The following AIMP1 variants were observed in gnomAD, a reference collection of about 807,000 sequenced individuals.
The protein encoded by AIMP1 is aminoacyl tRNA synthetase complex interacting multifunctional protein 1.
In AIMP1, 24 loss-of-function variants were observed where a neutral mutation model predicts 33.1. The ratio of observed to expected loss-of-function variants is 0.73; its 90% CI spans 0.53 to 1.02. The LOEUF (loss-of-function observed/expected upper bound fraction) is 1.02, where lower values mean the gene tolerates loss of function less well. Among genes scored for constraint, AIMP1 ranks in the 50% least tolerant of loss-of-function variants. The probability of loss-of-function intolerance (pLI) is 0.00; values close to 1 mark genes in which losing one functional copy is unlikely to be tolerated. For missense variants in AIMP1, 367 were observed against 364.8 expected, an observed-to-expected ratio of 1.01 and a Z score of -0.05; for synonymous variants, 120 against 121.5, an observed-to-expected ratio of 0.99 and a Z score of 0.08.
chr4:106,323,504 C>CA (rs1769345535), intron 1 of AIMP1, among the ~76,000 whole-genome samples: 1 of 150,756 alleles, frequency 6.6e-6, no homozygotes, highest in Admixed American at 6.6e-5. Flanking sequence ...CTATTTTTAC[C>CA]AAAATGAACA....
rs1768914475 is a variant in AIMP1, at chr4:106,316,597, G to C, written c.-26+3G>C. ...GAACCCGTGGTCCTCCGCTTCATGT[G>C]AGTGACGTCGTGGCGGGTCACTCAC... On this transcript the variant is annotated splice_donor_region_variant and intron_variant, in intron 1 of 6. Transcript: ENST00000672341. 1 of 1,551,348 alleles carries C rather than the reference G, an allele frequency of 6.4e-7. No individual in the cohort carries two copies. Among genetic ancestry groups the C allele is most frequent in the Non-Finnish European group, 8.7e-7 (1 of 1,146,864 alleles).
In AIMP1 at chr4:106,321,554, C is replaced by T. The variant is rs1328001623; in HGVS notation, c.-25-3431C>T. The stretch of plus-strand genomic sequence containing the variant: ...GTGAGGAGCGTTTCCGCTTTCCGCC[C>T]GGCAGCGGCCCCGTCCGGGAGGTGG... On this transcript the variant is annotated intron_variant, in intron 1 of 6. Transcript: ENST00000672341. The T allele has an allele frequency of 1.7e-4, 26 of 154,484 alleles. No homozygotes were observed. In the East Asian group the frequency reaches 1.9e-3, roughly 12 times the overall value. The allele number at this position is 154,484 out of a possible 1,614,324, so 9.6% of individuals were successfully genotyped here. A position where few individuals can be genotyped will look rare whatever the true frequency, so the allele number is the denominator to read the frequency against.
chr4:106,326,738 C>T (rs764486536), intron 2 of AIMP1, among the ~76,000 whole-genome samples: 4 of 151,340 alleles, frequency 2.6e-5, no homozygotes, highest in Non-Finnish European at 5.9e-5. Context: ...TAATGCTTCT[C>T]TTTTTTTTCA....
chr4:106,335,901 TTG>T (rs1373347598), intron 5 of AIMP1, among the ~76,000 whole-genome samples: 2 of 151,832 alleles, frequency 1.3e-5, no homozygotes, highest in Non-Finnish European at 2.9e-5. Flanking sequence ...CTTTTGCTAG[TTG>T]GAGAAAAAAA....
intron 4 of AIMP1, among the ~76,000 whole-genome samples, chr4:106,329,739 G>A (rs1769595811): frequency 6.8e-6 from 1 of 147,646 alleles, no homozygotes; most frequent in African/African-American, 2.5e-5. Flanking sequence ...AAGGGCTGTG[G>A]TGCCCATATG....
intron 1 of AIMP1, chr4:106,321,349 T>G (rs1769221812): frequency 6.3e-6 from 1 of 157,514 alleles, no homozygotes; most frequent in Non-Finnish European, 1.4e-5. Context: ...GGAGCATCTC[T>G]GCCCCGTCGC....
chr4:106,342,544 A>G (rs1363539273), intron 6 of AIMP1, among the ~76,000 whole-genome samples: 15 of 152,308 alleles, frequency 9.8e-5, no homozygotes, highest in African/African-American at 3.6e-4. Flanking sequence ...AGATGATTAT[A>G]TAATTTTTGG....
At chr4:106,316,293 C>T (rs1198596533), upstream of AIMP1, 3 of 435,830 alleles carry the variant, frequency 6.9e-6, no homozygotes, top group Non-Finnish European at 8.4e-6. Context: ...TTGTGGTGTC[C>T]TTCCCCTTGC....
chr4:106,326,232 T>C (rs538588551), intron 2 of AIMP1, among the ~76,000 whole-genome samples: 28 of 152,324 alleles, frequency 1.8e-4, no homozygotes, highest in African/African-American at 6.7e-4. Context: ...AAAAACACTT[T>C]GTGTTTATAT....
chr4:106,340,869 C>G (rs1770072862), intron 6 of AIMP1, among the ~76,000 whole-genome samples: 1 of 152,148 alleles, frequency 6.6e-6, no homozygotes, highest in African/African-American at 2.4e-5. Context: ...CTCCAAACTG[C>G]TTTTCACAGT....
Position 106,342,959 on chromosome 4 carries a change from C to T in AIMP1, c.773-4567C>T, listed in dbSNP as rs538201906. ...TGGTTCTGTAACCCAGGTTGGAGTG[C>T]AGTGGCGTTATCTTGGCCCACTGCA... On this transcript the variant is annotated intron_variant, in intron 6 of 6. Transcript: ENST00000672341. Among the ~76,000 whole-genome samples the T allele has an allele frequency of 4.1e-5, 6 of 146,336 alleles. No individual in the cohort carries two copies. The South Asian group carries it at 1.1e-3, about 26-fold the overall frequency.
At chr4:106,329,042 C>CTTTTTTTTTTTTTTTTT (rs33975641) in intron 4 of AIMP1, among the ~76,000 whole-genome samples, 1 of 136,840 alleles carries the variant, frequency 7.3e-6, no homozygotes. Context: ...AACTTATTTA[C>CTTTTTTTTTTTTTTTTT]TTTTTTTTTT....
At chr4:106,340,527 G>A (rs1424512320) in intron 6 of AIMP1, among the ~76,000 whole-genome samples, 1 of 152,174 alleles carries the variant, frequency 6.6e-6, no homozygotes, top group East Asian at 1.9e-4. Flanking sequence ...TCACTTATAA[G>A]TGAAGACATA....
intron 4 of AIMP1, among the ~76,000 whole-genome samples, chr4:106,329,826 CCCAGGCTG>C (rs1425105736): frequency 7.4e-6 from 1 of 135,568 alleles, no homozygotes; most frequent in Non-Finnish European, 1.5e-5. Context: ...TGCTCTGTCA[CCCAGGCTG>C]GAATACAGTG....
intron 1 of AIMP1, among the ~76,000 whole-genome samples, chr4:106,322,899 G>A (rs865969950): frequency 1.3e-5 from 2 of 151,506 alleles, no homozygotes; most frequent in Non-Finnish European, 2.9e-5. Flanking sequence ...CAGGAGAATC[G>A]CTTGAACCCA....
chr4:106,342,040 T>A (rs1489714292), intron 6 of AIMP1, among the ~76,000 whole-genome samples: 2 of 152,178 alleles, frequency 1.3e-5, no homozygotes, highest in African/African-American at 4.8e-5. Context: ...AGATATTTCA[T>A]TTTTTGTGTG....
intron 6 of AIMP1, among the ~76,000 whole-genome samples, chr4:106,339,878 A>G (rs1770029377): frequency 6.6e-6 from 1 of 152,216 alleles, no homozygotes. Flanking sequence ...CTAAGTTAAA[A>G]TGTAATGATT....
chr4:106,322,740 C>A (rs146420896), intron 1 of AIMP1, among the ~76,000 whole-genome samples: 1 of 152,056 alleles, frequency 6.6e-6, no homozygotes, highest in South Asian at 2.1e-4. Context: ...ATCCCAGCAC[C>A]TTGGGAAGCC....
intron 1 of AIMP1, among the ~76,000 whole-genome samples, chr4:106,317,220 T>C (rs996346686): frequency 6.6e-6 from 1 of 152,126 alleles, no homozygotes; most frequent in Admixed American, 6.5e-5. Flanking sequence ...CACGCGAATA[T>C]CTTGGGAAAG....
Sources: gnomAD v4.1 joint callset for allele counts (sites outside exome capture counted in the v4.1 genomes callset) on GRCh38, gnomAD v4.1.1 for gene constraint, MANE v1.5 for transcripts, NCBI Gene and HGNC (gene_info 2026-07-23, HGNC 2026-07-21) for gene names.